Variants in CFAP92 observed in about 807,000 individuals in gnomAD.
The protein encoded by CFAP92 is cilia and flagella associated protein 92 (putative).
A neutral mutation model predicts 106.3 loss-of-function variants in CFAP92; 86 were observed. The observed-to-expected ratio is 0.81, with a 90% CI of 0.68 to 0.97. The LOEUF (loss-of-function observed/expected upper bound fraction) is 0.97, where lower values mean the gene tolerates loss of function less well. Among genes scored for constraint, CFAP92 ranks in the 50% least tolerant of loss-of-function variants. The pLI is 0.00. For synonymous variants in CFAP92, 477 were observed against 506.4 expected, an observed-to-expected ratio of 0.94 and a Z score of 0.78; for missense variants, 1,204 against 1,283.8, an observed-to-expected ratio of 0.94 and a Z score of 0.95.
intron 8 of CFAP92, chr3:128,967,015 CTT>C (rs888246209): frequency 1.3e-5 from 2 of 152,182 alleles, no homozygotes; most frequent in Non-Finnish European, 2.9e-5. Flanking sequence ...AGATCTGACT[CTT>C]TGTCATGTGA....
chr3:128,921,897 C>T (rs1291310955), intron 12 of CFAP92, among the ~76,000 whole-genome samples: 1 of 152,142 alleles, frequency 6.6e-6, no homozygotes, highest in Non-Finnish European at 1.5e-5. Flanking sequence ...ATTCCCATCT[C>T]CTTCCTGGGG....
chr3:128,960,665 G>A (rs1406814208), intron 9 of CFAP92, among the ~76,000 whole-genome samples: 3 of 152,228 alleles, frequency 2.0e-5, no homozygotes, highest in Non-Finnish European at 4.4e-5. Flanking sequence ...GTCAGACCAC[G>A]CAGGGACGCC....
chr3:129,013,048 A>T, the CFAP92 span, among the ~76,000 whole-genome samples: 1 of 152,208 alleles, frequency 6.6e-6, no homozygotes, highest in Non-Finnish European at 1.5e-5. Flanking sequence ...TCCTGGGTGG[A>T]GGCCTGGCTT....
At chr3:129,001,688 C>G (rs1944762591) in intron 1 of CFAP92, 2 of 1,487,108 alleles carry the variant, frequency 1.3e-6, no homozygotes, top group East Asian at 5.5e-5. Flanking sequence ...GTGACCCGTA[C>G]CGGCGACCTG....
upstream of CFAP92, chr3:129,003,420 G>A: frequency 2.6e-6 from 1 of 389,418 alleles, no homozygotes; most frequent in South Asian, 1.1e-4. Context: ...GCCACTGGGG[G>A]GAGTCTAGGA....
At chr3:129,026,158 T>C in the CFAP92 span, among the ~76,000 whole-genome samples, 2 of 152,346 alleles carry the variant, frequency 1.3e-5, no homozygotes, top group South Asian at 4.1e-4. Flanking sequence ...AAGGGTTTAG[T>C]TGGTATTGTC....
chr3:128,932,377 T>TCACACACACACACACACACACACACACA (rs1938489509), intron 12 of CFAP92, among the ~76,000 whole-genome samples: 1 of 97,322 alleles, frequency 1.0e-5, no homozygotes, highest in African/African-American at 9.2e-5. Flanking sequence ...AAGCAACATG[T>TCACACACACACACACACACACACACACA]TACACACACA....
intron 9 of CFAP92, among the ~76,000 whole-genome samples, chr3:128,953,647 G>A (rs1447473744): frequency 3.5e-5 from 3 of 85,660 alleles, no homozygotes; most frequent in African/African-American, 4.8e-5. Flanking sequence ...CTCTCCCCAC[G>A]GTCTCCCTCT....
chr3:129,026,690 CT>C, the CFAP92 span, among the ~76,000 whole-genome samples: 1 of 152,166 alleles, frequency 6.6e-6, no homozygotes, highest in Non-Finnish European at 1.5e-5. Flanking sequence ...ACCTTATTCC[CT>C]TGTGTCTTTT....
chr3:128,927,356 A>G (rs1016344704), intron 12 of CFAP92, among the ~76,000 whole-genome samples: 1 of 152,136 alleles, frequency 6.6e-6, no homozygotes, highest in African/African-American at 2.4e-5. Flanking sequence ...ATTGGAAAAG[A>G]AAATGACCTT....
intron 9 of CFAP92, among the ~76,000 whole-genome samples, chr3:128,962,317 G>A (rs1053851460): frequency 6.6e-6 from 1 of 152,084 alleles, no homozygotes; most frequent in African/African-American, 2.4e-5. Context: ...TCAAGGGCCT[G>A]TTTCCCTTGC....
chr3:128,930,548 C>T (rs551670614), intron 12 of CFAP92, among the ~76,000 whole-genome samples: 1 of 151,848 alleles, frequency 6.6e-6, no homozygotes, highest in African/African-American at 2.4e-5. Flanking sequence ...GCCAGGAGTT[C>T]GAGACCAGCC....
At chr3:128,919,221 G>A (rs529031489) in intron 12 of CFAP92, among the ~76,000 whole-genome samples, 2 of 152,036 alleles carry the variant, frequency 1.3e-5, no homozygotes, top group South Asian at 4.2e-4. Context: ...TGGGATTACA[G>A]GCGTGAGCCA....
chr3:128,994,201 CT>C (rs1472739761), upstream of CFAP92: 3 of 960,242 alleles, frequency 3.1e-6, no homozygotes, highest in African/African-American at 5.3e-5. Context: ...GGCTTTCCCC[CT>C]CAGCCACTGC....
At position 128,978,172 on chromosome 3, in the gene CFAP92, CA is replaced by C; in HGVS notation, c.680del (p.Leu227TrpfsTer3). ...GAFHKSEVRH[L>X]VLNQRKLSEQ... ...CAGATAATTTTCTCTGATTTAAAAC[CA>C]AATGTCTCACTTCTAGAATGCAGGA... is the stretch of plus-strand genomic sequence containing the variant. On this transcript the variant is annotated frameshift_variant, in exon 5 of 16. Transcript: ENST00000645291. LOFTEE classifies it high-confidence loss of function. 1 of 1,613,238 alleles carries C rather than the reference CA, an allele frequency of 6.2e-7. No homozygotes were observed. Among genetic ancestry groups the C allele is most frequent in the South Asian group, 1.1e-5 (1 of 90,978 alleles).
intron 12 of CFAP92, among the ~76,000 whole-genome samples, chr3:128,922,121 C>T (rs979377709): frequency 4.6e-5 from 7 of 152,040 alleles, no homozygotes; most frequent in South Asian, 4.2e-4. Context: ...GGGCAGATCA[C>T]GAGGTCAGGA....
chr3:128,949,513 A>G (rs930213332), intron 9 of CFAP92, among the ~76,000 whole-genome samples: 2 of 152,240 alleles, frequency 1.3e-5, no homozygotes, highest in East Asian at 3.8e-4. Context: ...ACAGAGCCCC[A>G]TTTACATGAC....
chr3:128,920,793 C>G (rs1317277353), intron 12 of CFAP92, among the ~76,000 whole-genome samples: 3 of 152,234 alleles, frequency 2.0e-5, no homozygotes, highest in African/African-American at 7.2e-5. Flanking sequence ...ATCCAGGGAA[C>G]AGCGCATAAA....
At chr3:128,975,953 GC>G in intron 6 of CFAP92, 50 bp from the exon 7 acceptor site, 3 of 1,550,988 alleles carry the variant, frequency 1.9e-6, no homozygotes, top group Non-Finnish European at 2.6e-6. Context: ...AAAATCAGGG[GC>G]CAGATCTGAG....
Sources: gnomAD v4.1 joint callset for allele counts (sites outside exome capture counted in the v4.1 genomes callset) on GRCh38, gnomAD v4.1.1 for gene constraint, MANE v1.5 for transcripts, NCBI Gene and HGNC (gene_info 2026-07-23, HGNC 2026-07-21) for gene names.